Variants in SLCO6A1 observed in about 807,000 individuals in gnomAD.
SLCO6A1 encodes the protein cancer/testis antigen 48.
Under a neutral mutation model 72.7 loss-of-function variants are expected in SLCO6A1, and 65 were observed. That is an observed-to-expected ratio of 0.89 (90% CI 0.73 to 1.10). The LOEUF (loss-of-function observed/expected upper bound fraction) is 1.10. Among genes scored for constraint, SLCO6A1 ranks in the 50% least tolerant of loss-of-function variants. The pLI is 0.00. For missense variants in SLCO6A1, 874 were observed against 872.6 expected, an observed-to-expected ratio of 1.00 and a Z score of -0.02; for synonymous variants, 314 against 298.2, an observed-to-expected ratio of 1.05 and a Z score of -0.55.
At chr5:102,447,594 A>G (rs745688379) in intron 6 of SLCO6A1, among the ~76,000 whole-genome samples, 1 of 152,112 alleles carries the variant, frequency 6.6e-6, no homozygotes, top group African/African-American at 2.4e-5. Flanking sequence ...TTCCTGGTTC[A>G]ATCTTAGAAG....
intron 11 of SLCO6A1, 145 bp downstream of exon 11, chr5:102,390,836 T>C (rs1204267351): frequency 1.6e-6 from 1 of 614,312 alleles, no homozygotes; most frequent in Non-Finnish European, 2.9e-6. Flanking sequence ...CTTTACATTG[T>C]CTCCTAAATT....
chr5:102,483,139 C>A (rs774820942), intron 1 of SLCO6A1, among the ~76,000 whole-genome samples: 2 of 151,842 alleles, frequency 1.3e-5, no homozygotes, highest in Non-Finnish European at 2.9e-5. Flanking sequence ...TATCTATCTA[C>A]TTCATTATTG....
At chr5:102,456,662 A>C (rs1286519563) in intron 6 of SLCO6A1, among the ~76,000 whole-genome samples, 2 of 151,028 alleles carry the variant, frequency 1.3e-5, no homozygotes, top group Non-Finnish European at 3.0e-5. Context: ...AATATCGTGA[A>C]AATGGCCATA....
intron 4 of SLCO6A1, among the ~76,000 whole-genome samples, chr5:102,462,552 G>A (rs1420320383): frequency 6.6e-6 from 1 of 152,102 alleles, no homozygotes; most frequent in African/African-American, 2.4e-5. Flanking sequence ...CAGACCAATG[G>A]GACAGAATAG....
At chr5:102,475,908 G>A in intron 3 of SLCO6A1, 115 bp from the exon 4 acceptor site, 2 of 621,334 alleles carry the variant, frequency 3.2e-6, no homozygotes, top group East Asian at 5.8e-5. Context: ...TTCTGTATTA[G>A]TCAGAGCTCT....
At chr5:102,400,634 A>G (rs1747347115) in intron 9 of SLCO6A1, among the ~76,000 whole-genome samples, 1 of 152,076 alleles carries the variant, frequency 6.6e-6, no homozygotes. Context: ...CTAAACTAAA[A>G]AATAAGAAGA....
chr5:102,387,564 T>G (rs1746483475), intron 12 of SLCO6A1, among the ~76,000 whole-genome samples: 3 of 152,324 alleles, frequency 2.0e-5, no homozygotes, highest in African/African-American at 7.2e-5. Context: ...ACTTTTTTGA[T>G]TTTGTTTTAT....
intron 4 of SLCO6A1, among the ~76,000 whole-genome samples, chr5:102,466,803 C>T (rs546806615): frequency 1.3e-5 from 2 of 152,240 alleles, no homozygotes; most frequent in South Asian, 2.1e-4. Flanking sequence ...TGATTGTGGA[C>T]CACATGTATG....
At chr5:102,385,649 TTTC>T (rs1746370345) in intron 12 of SLCO6A1, among the ~76,000 whole-genome samples, 1 of 152,120 alleles carries the variant, frequency 6.6e-6, no homozygotes, top group Non-Finnish European at 1.5e-5. Context: ...CTAAAATTTA[TTTC>T]TTTTTTATGG....
chr5:102,416,623 G>A (rs1015864775), intron 8 of SLCO6A1, among the ~76,000 whole-genome samples: 23 of 151,832 alleles, frequency 1.5e-4, no homozygotes, highest in Non-Finnish European at 8.8e-5. Context: ...TTACTTAATG[G>A]GTATAATGTA....
intron 9 of SLCO6A1, among the ~76,000 whole-genome samples, chr5:102,400,586 G>A (rs1747343033): frequency 1.3e-5 from 2 of 151,968 alleles, no homozygotes; most frequent in Admixed American, 1.3e-4. Context: ...TAAAGATGCA[G>A]AGACCAGTTC....
At chr5:102,468,354 C>T (rs1206187850) in intron 4 of SLCO6A1, among the ~76,000 whole-genome samples, 1 of 151,926 alleles carries the variant, frequency 6.6e-6, no homozygotes, top group Non-Finnish European at 1.5e-5. Context: ...TCCATTTGTT[C>T]TAGGGTATAT....
intron 13 of SLCO6A1, among the ~76,000 whole-genome samples, chr5:102,372,568 T>C (rs1750682731): frequency 6.6e-6 from 1 of 151,898 alleles, no homozygotes; most frequent in Non-Finnish European, 1.5e-5. Flanking sequence ...ATTTAAATAT[T>C]TCTTCACATT....
At chr5:102,389,807 C>T (rs1746646979) in intron 11 of SLCO6A1, among the ~76,000 whole-genome samples, 1 of 151,858 alleles carries the variant, frequency 6.6e-6, no homozygotes, top group Non-Finnish European at 1.5e-5. Context: ...AACTGTTAGA[C>T]TTCAGCAAAA....
At chr5:102,472,752 A>G (rs571422646) in intron 4 of SLCO6A1, among the ~76,000 whole-genome samples, 14 of 151,920 alleles carry the variant, frequency 9.2e-5, no homozygotes, top group African/African-American at 3.4e-4. Context: ...TTAAGAAAAA[A>G]GAGATAAGAC....
At chr5:102,438,393 G>C (rs976115542) in intron 7 of SLCO6A1, 1 of 322,378 alleles carries the variant, frequency 3.1e-6, no homozygotes, top group Non-Finnish European at 5.7e-6. Context: ...CTGTGAAAAG[G>C]AATGAAGATA....
chr5:102,380,047 T>G (rs1746025269), intron 12 of SLCO6A1, among the ~76,000 whole-genome samples: 1 of 152,028 alleles, frequency 6.6e-6, no homozygotes, highest in African/African-American at 2.4e-5. Context: ...CAAAATTGAT[T>G]TGGTACAATG....
chr5:102,419,519 C>T (rs912732683), intron 8 of SLCO6A1, among the ~76,000 whole-genome samples: 6 of 152,172 alleles, frequency 3.9e-5, no homozygotes, highest in African/African-American at 1.4e-4. Context: ...TGGCTTTGCA[C>T]AGTTAGTACT....
chr5:102,411,125 TTC>T (rs1363404232), intron 9 of SLCO6A1, among the ~76,000 whole-genome samples: 1 of 152,012 alleles, frequency 6.6e-6, no homozygotes. Flanking sequence ...TAGGGGAAGG[TTC>T]TCTCAGGCTG....
Sources: allele counts gnomAD v4.1 joint callset (sites outside exome capture counted in the v4.1 genomes callset), GRCh38; gene constraint gnomAD v4.1.1; transcripts MANE v1.5; gene names NCBI Gene and HGNC (gene_info 2026-07-23, HGNC 2026-07-21).